The following HPSE2 variants were observed in gnomAD, a reference collection of about 807,000 sequenced individuals.
The protein encoded by HPSE2 is inactive heparanase-2.
A neutral mutation model predicts 60.5 loss-of-function variants in HPSE2; 38 were observed. The ratio of observed to expected loss-of-function variants is 0.63; its 90% confidence interval spans 0.48 to 0.82. The LOEUF is 0.82. Among genes scored for constraint, HPSE2 ranks in the 40% least tolerant of loss-of-function variants. HPSE2 has a pLI of 0.00. For synonymous variants in HPSE2, 295 were observed against 293.2 expected, an observed-to-expected ratio of 1.01 and a Z score of -0.06; for missense variants, 713 against 740.4, an observed-to-expected ratio of 0.96 and a Z score of 0.43.
At chr10:99,010,146 G>A (rs1956979115) in intron 3 of HPSE2, among the ~76,000 whole-genome samples, 1 of 152,170 alleles carries the variant, frequency 6.6e-6, no homozygotes, top group Non-Finnish European at 1.5e-5. Flanking sequence ...ATGATTTACT[G>A]TGCTTAAAGA....
At chr10:98,490,513 T>C (rs563512328) in intron 9 of HPSE2, among the ~76,000 whole-genome samples, 6 of 152,216 alleles carry the variant, frequency 3.9e-5, no homozygotes, top group Non-Finnish European at 8.8e-5. Flanking sequence ...TAAAACCATT[T>C]GAGGCTTTAC....
At chr10:98,905,032 C>G (rs1466343548) in intron 3 of HPSE2, among the ~76,000 whole-genome samples, 1 of 152,096 alleles carries the variant, frequency 6.6e-6, no homozygotes, top group African/African-American at 2.4e-5. Flanking sequence ...ATCGCCAGCT[C>G]TTACATACAT....
At chr10:99,183,857 C>T (rs891952680) in intron 2 of HPSE2, among the ~76,000 whole-genome samples, 5 of 152,236 alleles carry the variant, frequency 3.3e-5, no homozygotes, top group Non-Finnish European at 7.4e-5. Context: ...CTTCATAACA[C>T]GTAAGGCACT....
chr10:99,152,533 AAT>A (rs1178151087), intron 2 of HPSE2, among the ~76,000 whole-genome samples: 1 of 152,166 alleles, frequency 6.6e-6, no homozygotes, highest in Non-Finnish European at 1.5e-5. Context: ...TATAGAAGAA[AAT>A]ATGTTTTAGT....
chr10:99,180,301 A>G (rs1413428768), intron 2 of HPSE2, among the ~76,000 whole-genome samples: 1 of 152,166 alleles, frequency 6.6e-6, no homozygotes, highest in East Asian at 1.9e-4. Flanking sequence ...AAAGAAACTA[A>G]TTATCAGAGT....
intron 5 of HPSE2, among the ~76,000 whole-genome samples, chr10:98,706,910 G>T (rs1948562608): frequency 6.6e-6 from 1 of 152,150 alleles, no homozygotes; most frequent in Non-Finnish European, 1.5e-5. Context: ...ACATAATATT[G>T]TAAAATATAG....
intron 3 of HPSE2, among the ~76,000 whole-genome samples, chr10:98,931,804 T>C (rs1212346912): frequency 6.9e-6 from 1 of 144,048 alleles, no homozygotes; most frequent in South Asian, 2.1e-4. Context: ...TTGTGATTTC[T>C]GCACATTGAT....
intron 3 of HPSE2, among the ~76,000 whole-genome samples, chr10:98,798,379 A>G (rs1247336982): frequency 6.6e-6 from 1 of 152,198 alleles, no homozygotes; most frequent in African/African-American, 2.4e-5. Context: ...AGAAGAAATC[A>G]TTGAAAGGTA....
chr10:98,731,346 C>A (rs1283797123), intron 4 of HPSE2, among the ~76,000 whole-genome samples: 1 of 152,080 alleles, frequency 6.6e-6, no homozygotes, highest in Non-Finnish European at 1.5e-5. Context: ...TTCCTCATAA[C>A]ATAGATGTAA....
rs555147327 is a variant in HPSE2, at chr10:98,995,447, A to G, written c.610+148791T>C. 3.3e-5 allele frequency among the ~76,000 whole-genome samples: 5 copies of G among 152,330 alleles called. No individual in the cohort carries two copies. In the South Asian group the frequency reaches 1.0e-3, roughly 32 times the overall value. ...GTAATATTAGGCCCATTCCTGATGTATCCCCCTTCAGGTTTGTTTTTTCAG... is the reference window on the plus strand; with the variant it reads ...GTAATATTAGGCCCATTCCTGATGTGTCCCCCTTCAGGTTTGTTTTTTCAG... On this transcript the variant is annotated intron_variant, in intron 3 of 11. Transcript: ENST00000370552.
the HPSE2 span, among the ~76,000 whole-genome samples, chr10:99,249,897 A>G: frequency 6.6e-6 from 1 of 152,164 alleles, no homozygotes; most frequent in East Asian, 1.9e-4. Flanking sequence ...TAATCCTAGC[A>G]TTTTGGGAAG....
At chr10:99,185,943 G>C (rs1311691788) in intron 2 of HPSE2, among the ~76,000 whole-genome samples, 1 of 151,988 alleles carries the variant, frequency 6.6e-6, no homozygotes, top group Non-Finnish European at 1.5e-5. Flanking sequence ...GAGAATTCAA[G>C]AGCAGAGAAA....
intron 9 of HPSE2, among the ~76,000 whole-genome samples, chr10:98,558,168 A>C (rs1304545621): frequency 2.0e-5 from 3 of 152,218 alleles, no homozygotes; most frequent in Admixed American, 6.5e-5. Context: ...CAAAATTTTC[A>C]TACACTGCTG....
chr10:98,737,882 T>G (rs964064516), intron 4 of HPSE2, among the ~76,000 whole-genome samples: 1 of 152,136 alleles, frequency 6.6e-6, no homozygotes. Context: ...ATCAATATTG[T>G]GAAAATGACC....
intron 6 of HPSE2, among the ~76,000 whole-genome samples, chr10:98,653,505 T>C (rs1218131805): frequency 2.0e-5 from 3 of 152,004 alleles, no homozygotes; most frequent in Non-Finnish European, 4.4e-5. Context: ...TAGTATACTA[T>C]TATATTTCTT....
chr10:98,461,406 G>A (rs1360867770), intron 11 of HPSE2, among the ~76,000 whole-genome samples: 1 of 152,208 alleles, frequency 6.6e-6, no homozygotes, highest in Non-Finnish European at 1.5e-5. Flanking sequence ...CATGGGGTGG[G>A]AGAATTGAGA....
chr10:98,906,098 C>G (rs1953808670), intron 3 of HPSE2, among the ~76,000 whole-genome samples: 1 of 152,170 alleles, frequency 6.6e-6, no homozygotes, highest in Non-Finnish European at 1.5e-5. Context: ...CTCTCATCTC[C>G]AATCTGAAAG....
At chr10:99,197,907 C>T (rs916542046) in intron 2 of HPSE2, among the ~76,000 whole-genome samples, 19 of 152,088 alleles carry the variant, frequency 1.2e-4, no homozygotes, top group African/African-American at 4.3e-4. Context: ...CCCAGCTCTA[C>T]TAAAAATACA....
chr10:99,154,576 C>T lies in HPSE2; in HGVS notation c.449-10177G>A, dbSNP rs1407079829. 2.0e-5 allele frequency among the ~76,000 whole-genome samples: 3 copies of T among 151,478 alleles called. 1 individual carries two copies. The South Asian group carries it at 6.3e-4, about 32-fold the overall frequency. ...CTGAGAGATTTTGTCACCACCAGGCCTGCCCTAAAACAGCTCCTGAAGGAA... is the reference window on the plus strand; with the variant it reads ...CTGAGAGATTTTGTCACCACCAGGCTTGCCCTAAAACAGCTCCTGAAGGAA... On this transcript the variant is annotated intron_variant, in intron 2 of 11. Coordinates refer to ENST00000370552, the MANE Select transcript of HPSE2 (RefSeq NM_021828.5).
Sources: allele counts gnomAD v4.1 joint callset (sites outside exome capture counted in the v4.1 genomes callset), GRCh38; gene constraint gnomAD v4.1.1; transcripts MANE v1.5; gene names NCBI Gene and HGNC (gene_info 2026-07-23, HGNC 2026-07-21).